The following WNK4 variants were observed in gnomAD, a reference collection of about 807,000 sequenced individuals.
WNK4 encodes the protein serine/threonine-protein kinase WNK4.
A neutral mutation model predicts 116.2 loss-of-function variants in WNK4; 94 were observed. The ratio of observed to expected loss-of-function variants is 0.81; its 90% CI spans 0.68 to 0.96. WNK4 has a LOEUF of 0.96. Among genes scored for constraint, WNK4 ranks in the 40% least tolerant of loss-of-function variants. The probability of loss-of-function intolerance (pLI) is 0.00; values close to 1 mark genes in which losing one functional copy is unlikely to be tolerated. For synonymous variants in WNK4, 655 were observed against 672.7 expected (o/e 0.97, Z 0.41); for missense variants, 1,542 against 1,650.6 (o/e 0.93, Z 1.14).
At chr17:42,789,339 A>G (rs893385736) in intron 11 of WNK4, among the ~76,000 whole-genome samples, 3 of 152,134 alleles carry the variant, frequency 2.0e-5, no homozygotes, top group Non-Finnish European at 4.4e-5. Context: ...GAGTGGGCCC[A>G]GATTGTAGAA....
At chr17:42,788,104 C>G (rs377425471) in intron 8 of WNK4, 26 bp from the exon 9 acceptor site, 1 of 1,613,860 alleles carries the variant, frequency 6.2e-7, no homozygotes, top group East Asian at 2.2e-5. Context: ...CTTCCCCTGA[C>G]CTCATGAACC....
rs761672066 is a variant in WNK4, at chr17:42,784,103, G to C, written c.958G>C (p.Gly320Arg). The change falls in exon 3 of 19, where the codon GGG becomes CGG. Residue 320 changes from glycine (G) to arginine (R), a missense_variant. Gly to Arg is a moderately radical substitution (Grantham distance 125, BLOSUM62 -2). Transcript: ENST00000246914. The surrounding 1 kb of genome is among the most constrained non-coding windows in gnomAD (Gnocchi z 4.4). Reference sequence around the variant, plus strand: ...GGGACCTACTGGCTCTGTCAAAATCGGGGACCTGGGCCTGGCCACGCTCAA... The same window carrying C: ...GGGACCTACTGGCTCTGTCAAAATCCGGGACCTGGGCCTGGCCACGCTCAA... ...ITGPTGSVKI[G>R]DLGLATLKRA... is the part of the protein sequence containing the mutation. 4.3e-6 allele frequency: 7 copies of C among 1,611,214 alleles called. No individual in the cohort carries two copies. Among genetic ancestry groups the C allele is most frequent in the Non-Finnish European group, 5.9e-6 (7 of 1,180,026 alleles).
rs2054650411 is a variant in WNK4, at chr17:42,795,119, A to G, written c.2698A>G (p.Thr900Ala). Residue 900 changes from threonine (T) to alanine (A), a missense_variant, in exon 14 of 19, where the codon ACT (threonine) becomes GCT (alanine). Physicochemically the swap from Thr to Ala is moderately conservative, Grantham distance 58. Transcript: ENST00000246914. ...GTTCTCTCCCACTTGTTCTCAGGTCACTCTTAGTTCCCCTTTCTTTCCTCC... is the reference window on the plus strand; with the variant it reads ...GTTCTCTCCCACTTGTTCTCAGGTCGCTCTTAGTTCCCCTTTCTTTCCTCC... Reference protein sequence around the residue: ...PTFSPTCSQVTLSSPFFPPCP... With the variant: ...PTFSPTCSQVALSSPFFPPCP... The G allele has an allele frequency of 6.2e-7, 1 of 1,612,956 alleles. No individual in the cohort carries two copies. The highest frequency in any genetic ancestry group is 1.3e-5 in the African/African-American group (1 of 74,556).
intron 2 of WNK4, among the ~76,000 whole-genome samples, chr17:42,783,227 C>A (rs995098741): frequency 1.3e-5 from 2 of 152,192 alleles, no homozygotes; most frequent in Non-Finnish European, 2.9e-5. Flanking sequence ...ATCCATGCCA[C>A]CACCTCAATG....
rs770965962 is a variant in WNK4, at chr17:42,785,122, A to G, written c.1196A>G (p.Lys399Arg). The part of the protein sequence containing the change: ...TSGRKPNSFH[K>R]VKIPEVKEII... ...GGCAGAAAGCCGAACAGCTTCCACA[A>G]GGTGAAGATACCCGAGGTGAAGGAG... is the stretch of plus-strand genomic sequence containing the variant. The change falls in exon 5 of 19, where the codon AAG becomes AGG. Residue 399 changes from lysine to arginine, a missense_variant. By Grantham distance (26) the Lys-to-Arg change is conservative. Transcript: ENST00000246914. 4 of 1,613,704 alleles carry G rather than the reference A, an allele frequency of 2.5e-6. No individual in the cohort carries two copies. The highest frequency in any genetic ancestry group is 2.2e-5 in the East Asian group (1 of 44,882).
Position 42,785,183 on chromosome 17 carries a change from G to C in WNK4, c.1257G>C (p.Glu419Asp). 4.3e-6 allele frequency: 7 copies of C among 1,613,764 alleles called. No homozygotes were observed. The highest frequency in any genetic ancestry group is 5.9e-6 in the Non-Finnish European group (7 of 1,179,888). The change falls in exon 5 of 19, where the codon GAG becomes GAC. Residue 419 changes from glutamate to aspartate, a missense_variant and splice_region_variant. Transcript: ENST00000246914. ...IEGCIRTDKNERFTIQDLLAH... is the reference protein window; with the variant it reads ...IEGCIRTDKNDRFTIQDLLAH... The stretch of plus-strand genomic sequence containing the variant: ...GCTGCATCCGCACGGATAAGAACGA[G>C]AGGTGGGGGTGAAAGGGCAGAGCGT...
In WNK4 at chr17:42,794,611, C is replaced by T. The variant is rs2054641730; in HGVS notation, c.2296-3C>T. 6.2e-7 allele frequency: 1 copy of T among 1,613,974 alleles called. No individual in the cohort carries two copies. The highest frequency in any genetic ancestry group is 2.2e-5 in the East Asian group (1 of 44,876). On this transcript the variant is annotated splice_region_variant and splice_polypyrimidine_tract_variant and intron_variant, in intron 12 of 18. Coordinates refer to ENST00000246914, the MANE Select transcript of WNK4 (RefSeq NM_032387.5). ...TGACTGCGGACTCCTTTTTCTGCCT[C>T]AGGAGGAGCCAGCACCATTACCTGC...
Position 42,796,191 on chromosome 17 carries a change from T to TG in WNK4, c.3504dup (p.Lys1169GlufsTer38). 6 of 1,613,968 alleles carry TG rather than the reference T, an allele frequency of 3.7e-6. No homozygotes were observed. The highest frequency in any genetic ancestry group is 5.1e-6 in the Non-Finnish European group (6 of 1,179,986). On this transcript the variant is annotated frameshift_variant, in exon 17 of 19. Coordinates refer to ENST00000246914, the MANE Select transcript of WNK4 (RefSeq NM_032387.5). LOFTEE classifies it high-confidence loss of function. ...GAAATTGAAGATTTGTACAGCCGGC[T>TG]GGGGAAGCAGCCCCCACCGGGTATT...
intron 11 of WNK4, among the ~76,000 whole-genome samples, chr17:42,789,489 C>A (rs963844532): frequency 6.6e-6 from 1 of 151,614 alleles, no homozygotes; most frequent in East Asian, 1.9e-4. Context: ...ATGGTGAAAC[C>A]CCGTCTCTAC....
At chr17:42,786,221 G>A (rs189728527) in intron 6 of WNK4, among the ~76,000 whole-genome samples, 73 of 152,266 alleles carry the variant, frequency 4.8e-4, no homozygotes, top group Non-Finnish European at 7.9e-4. Flanking sequence ...TTGAAACTGA[G>A]GTGGTTCAGA....
rs537127664 is a variant in WNK4 at position 42,780,662 on chromosome 17, G to A, written c.-37G>A. The A allele has an allele frequency of 2.7e-5, 43 of 1,600,546 alleles. No homozygotes were observed. The East Asian group carries it at 7.8e-4, about 29-fold the overall frequency. On this transcript the variant is annotated 5_prime_UTR_variant, in exon 1 of 19. Transcript: ENST00000246914. ...CTGTCAGGCCGCCTCCTCTCCGGCC[G>A]TCTGATTTTCTACCCTTCGGCGCCC...
Position 42,795,281 on chromosome 17 carries a change from C to T in WNK4, c.2860C>T (p.Pro954Ser), listed in dbSNP as rs2054652994. 5.6e-6 allele frequency: 9 copies of T among 1,613,878 alleles called. No homozygotes were observed. The highest frequency in any genetic ancestry group is 1.3e-5 in the African/African-American group (1 of 74,898). The stretch of plus-strand genomic sequence containing the variant: ...ACCTGGGCTCCTTTCCCAGTCTCCT[C>T]CAGCCCCTCCTAGTCCCCTCCCTAG... ...PSPGLLSQSPPAPPSPLPSLP... is the reference protein window; with the variant it reads ...PSPGLLSQSPSAPPSPLPSLP... The change falls in exon 14 of 19, where the codon CCA (proline) becomes TCA (serine). Residue 954 changes from proline (P) to serine (S), a missense_variant. Physicochemically the swap from Pro to Ser is moderately conservative, Grantham distance 74. Coordinates refer to ENST00000246914, the MANE Select transcript of WNK4 (RefSeq NM_032387.5).
intron 6 of WNK4, among the ~76,000 whole-genome samples, chr17:42,786,945 C>A (rs879525668): frequency 6.6e-6 from 1 of 152,208 alleles, no homozygotes; most frequent in Non-Finnish European, 1.5e-5. Context: ...TCACTAGATT[C>A]AGTAGCACCT....
At chr17:42,781,868 T>A (rs1025124622) in intron 1 of WNK4, among the ~76,000 whole-genome samples, 18 of 152,162 alleles carry the variant, frequency 1.2e-4, no homozygotes, top group African/African-American at 4.3e-4. Flanking sequence ...TCTGGACTTC[T>A]CCACAGCTGC....
chr17:42,784,078 G>C lies in WNK4; in HGVS notation c.933G>C (p.Thr311=). The change falls in exon 3 of 19, where the codon ACG becomes ACC. Residue 311 remains threonine, a synonymous_variant. Coordinates refer to ENST00000246914, the MANE Select transcript of WNK4 (RefSeq NM_032387.5). This position sits in a 1 kb window ranked among gnomAD's most constrained non-coding sequence, Gnocchi z 4.4. The part of the protein sequence containing the change: ...RDLKCDNVFI[T]GPTGSVKIGD... ...TCAAGTGCGACAATGTCTTTATCAC[G>C]GGACCTACTGGCTCTGTCAAAATCG... is the stretch of plus-strand genomic sequence containing the variant. 1.9e-6 allele frequency: 3 copies of C among 1,613,044 alleles called. No individual in the cohort carries two copies. The highest frequency in any genetic ancestry group is 2.5e-6 in the Non-Finnish European group (3 of 1,180,020).
In WNK4 at chr17:42,780,759, G is replaced by T; in HGVS notation, c.61G>T (p.Ala21Ser). The T allele has an allele frequency of 6.2e-7, 1 of 1,607,696 alleles. No homozygotes were observed. The highest frequency in any genetic ancestry group is 8.5e-7 in the Non-Finnish European group (1 of 1,179,410). ...VLMSQTEADL[A>S]LRPPPPLGTA... ...CATGTCCCAGACTGAGGCCGACCTG[G>T]CCCTGCGGCCCCCGCCTCCTCTTGG... The change falls in exon 1 of 19, where the codon GCC becomes TCC. Residue 21 changes from alanine to serine, a missense_variant. Physicochemically the swap from Ala to Ser is moderately conservative, Grantham distance 99 (BLOSUM62 1). This residue lies in a region of WNK4 where 243 missense variants were observed against 217.8 expected (regional missense o/e 1.12). Coordinates refer to ENST00000246914, the MANE Select transcript of WNK4 (RefSeq NM_032387.5).
chr17:42,787,713 G>A, intron 7 of WNK4, 65 bp from the exon 8 acceptor site: 1 of 1,603,190 alleles, frequency 6.2e-7, no homozygotes, highest in Non-Finnish European at 8.5e-7. Flanking sequence ...GCTTAGGCAG[G>A]CCCCATCCTC....
rs377462363 is a variant in WNK4 at position 42,785,166 on chromosome 17, C to A, written c.1240C>A (p.Arg414Ser). Reference protein sequence around the residue: ...EVKEIIEGCIRTDKNERFTIQ... With the variant: ...EVKEIIEGCISTDKNERFTIQ... ...GAAGGAGATCATTGAAGGCTGCATC[C>A]GCACGGATAAGAACGAGAGGTGGGG... The change falls in exon 5 of 19, where the codon CGC (arginine) becomes AGC (serine). Residue 414 changes from arginine (R) to serine (S), a missense_variant. Arg to Ser is a moderately radical substitution (Grantham distance 110). Transcript: ENST00000246914. 13 of 1,613,790 alleles carry A rather than the reference C, an allele frequency of 8.1e-6. No homozygotes were observed. The African/African-American group carries it at 1.7e-4, about 22-fold the overall frequency.
intron 12 of WNK4, 44 bp downstream of exon 12, chr17:42,793,773 G>A: frequency 6.2e-7 from 1 of 1,612,328 alleles, no homozygotes. Context: ...TGGACTCTCT[G>A]CTCCAGGGTT....
Sources: gnomAD v4.1 joint callset for allele counts (sites outside exome capture counted in the v4.1 genomes callset) on GRCh38, gnomAD v4.1.1 for gene constraint, gnomAD v4.1.1 regional missense constraint, Gnocchi (gnomAD v3.1) non-coding constraint, MANE v1.5 for transcripts, NCBI Gene and HGNC (gene_info 2026-07-23, HGNC 2026-07-21) for gene names.